The following TXNDC16 variants were observed in gnomAD, a reference collection of about 807,000 sequenced individuals.
TXNDC16 encodes the protein thioredoxin domain-containing protein 16.
In TXNDC16, 74 loss-of-function variants were observed where a neutral mutation model predicts 85.6. The observed-to-expected ratio is 0.86, with a 90% CI of 0.72 to 1.05. TXNDC16 has a LOEUF of 1.05. TXNDC16 is among the 50% of genes least tolerant of loss of function. The probability of loss-of-function intolerance (pLI) is 0.00; values close to 1 mark genes in which losing one functional copy is unlikely to be tolerated. For missense variants in TXNDC16, 959 were observed against 947.0 expected, an observed-to-expected ratio of 1.01 and a Z score of -0.17; for synonymous variants, 335 against 326.5, an observed-to-expected ratio of 1.03 and a Z score of -0.28.
At chr14:52,524,701 C>A (rs886114270) in intron 6 of TXNDC16, among the ~76,000 whole-genome samples, 2 of 152,022 alleles carry the variant, frequency 1.3e-5, no homozygotes, top group Admixed American at 6.5e-5. Flanking sequence ...CATTGTATTG[C>A]CCAGGCTGGT....
At position 52,518,440 on chromosome 14, in the gene TXNDC16, T is replaced by G. The variant is rs1211168878; in HGVS notation, c.514+732A>C. Among the ~76,000 whole-genome samples, 4 of 152,326 alleles carry G rather than the reference T, an allele frequency of 2.6e-5. No individual in the cohort carries two copies. The East Asian group carries it at 7.7e-4, about 29-fold the overall frequency. On this transcript the variant is annotated intron_variant, in intron 7 of 20. Coordinates refer to ENST00000281741, the MANE Select transcript of TXNDC16 (RefSeq NM_020784.3). ...AACCTCAGTTGCTAGCAAATTCAAC[T>G]TTCAAGTAGCTCAGGCTGAAACCCC...
chr14:52,460,839 T>C (rs1029006743), intron 16 of TXNDC16, among the ~76,000 whole-genome samples: 5 of 152,178 alleles, frequency 3.3e-5, no homozygotes, highest in Non-Finnish European at 5.9e-5. Flanking sequence ...TTGTGTCTTA[T>C]TAGTATTACA....
At chr14:52,533,996 A>C (rs922665315) in intron 6 of TXNDC16, among the ~76,000 whole-genome samples, 2 of 152,160 alleles carry the variant, frequency 1.3e-5, no homozygotes, top group Non-Finnish European at 2.9e-5. Flanking sequence ...TTTCTCTAGA[A>C]AACTGCAATG....
chr14:52,516,321 AATTTT>A (rs2037082525), intron 7 of TXNDC16, among the ~76,000 whole-genome samples: 1 of 152,164 alleles, frequency 6.6e-6, no homozygotes, highest in Non-Finnish European at 1.5e-5. Context: ...AAAGCATCTT[AATTTT>A]ATTTTCAAAA....
At chr14:52,500,155 C>T (rs930232040) in intron 9 of TXNDC16, among the ~76,000 whole-genome samples, 3 of 151,990 alleles carry the variant, frequency 2.0e-5, no homozygotes, top group Admixed American at 2.0e-4. Context: ...CAGAGAATAC[C>T]CATGTCCATT....
At chr14:52,548,471 A>T (rs1466642229) in intron 1 of TXNDC16, among the ~76,000 whole-genome samples, 1 of 152,106 alleles carries the variant, frequency 6.6e-6, no homozygotes, top group Admixed American at 6.6e-5. Flanking sequence ...TCCTTCTGGG[A>T]GGCAGACGCA....
chr14:52,470,425 C>T (rs907523964), intron 15 of TXNDC16, 87 bp downstream of exon 15: 8 of 1,394,442 alleles, frequency 5.7e-6, no homozygotes, highest in South Asian at 1.5e-5. Flanking sequence ...TCTTCCTTAA[C>T]CTATTTTAAG....
chr14:52,490,718 A>G (rs2036380406), intron 10 of TXNDC16, 121 bp downstream of exon 10: 4 of 1,119,880 alleles, frequency 3.6e-6, no homozygotes, highest in South Asian at 1.6e-5. Flanking sequence ...AACTAGTTCT[A>G]ACTATATTGG....
At chr14:52,489,158 G>A (rs1382443747) in intron 11 of TXNDC16, among the ~76,000 whole-genome samples, 2 of 151,990 alleles carry the variant, frequency 1.3e-5, no homozygotes, top group Non-Finnish European at 2.9e-5. Context: ...TGATTATTCT[G>A]ACATTCCACA....
Position 52,435,156 on chromosome 14 carries a change from T to C in TXNDC16, c.2195-2569A>G, listed in dbSNP as rs116481272. Among the ~76,000 whole-genome samples, 705 of 152,254 alleles carry C rather than the reference T, an allele frequency of 4.6e-3. 5 individuals carry two copies. Among genetic ancestry groups the C allele is most frequent in the African/African-American group, 0.016 (675 of 41,536 alleles). On this transcript the variant is annotated intron_variant, in intron 20 of 20. Coordinates refer to ENST00000281741, the MANE Select transcript of TXNDC16 (RefSeq NM_020784.3). The stretch of plus-strand genomic sequence containing the variant: ...GGAAACTATTAAACTCATTTTATAG[T>C]TGTAGAGGAGGAAACCAAGAATGAC...
intron 9 of TXNDC16, among the ~76,000 whole-genome samples, chr14:52,506,281 T>C (rs1425585445): frequency 1.3e-5 from 2 of 152,112 alleles, no homozygotes; most frequent in African/African-American, 2.4e-5. Flanking sequence ...AAAAAGAGAA[T>C]TTTAGACCAG....
At chr14:52,452,833 G>A (rs2035442676) in intron 18 of TXNDC16, among the ~76,000 whole-genome samples, 1 of 152,048 alleles carries the variant, frequency 6.6e-6, no homozygotes, top group African/African-American at 2.4e-5. Flanking sequence ...ATGACAAATG[G>A]GATCACATCA....
intron 6 of TXNDC16, among the ~76,000 whole-genome samples, chr14:52,522,959 T>C (rs552064885): frequency 6.6e-5 from 10 of 152,310 alleles, no homozygotes; most frequent in African/African-American, 2.2e-4. Flanking sequence ...CAAAGCTCAT[T>C]AAGTAGTCAT....
chr14:52,521,151 C>T (rs979133772), intron 6 of TXNDC16, among the ~76,000 whole-genome samples: 5 of 151,788 alleles, frequency 3.3e-5, no homozygotes, highest in East Asian at 3.9e-4. Flanking sequence ...CTTGCTCTGT[C>T]GCCCGGGCTA....
At chr14:52,545,604 G>A (rs1300037103) in intron 1 of TXNDC16, among the ~76,000 whole-genome samples, 1 of 152,178 alleles carries the variant, frequency 6.6e-6, no homozygotes, top group East Asian at 1.9e-4. Flanking sequence ...CATGCAGCTA[G>A]GGTGGGAAAA....
chr14:52,545,875 G>A (rs1429663662), intron 1 of TXNDC16, among the ~76,000 whole-genome samples: 1 of 152,044 alleles, frequency 6.6e-6, no homozygotes, highest in Admixed American at 6.5e-5. Context: ...TAAAGGCAAG[G>A]GAATGTGGGT....
chr14:52,513,841 A>C (rs1320559799), intron 8 of TXNDC16, among the ~76,000 whole-genome samples: 1 of 152,124 alleles, frequency 6.6e-6, no homozygotes, highest in Non-Finnish European at 1.5e-5. Flanking sequence ...GAGGCTGGTA[A>C]GATGAGAGAA....
At chr14:52,505,499 A>T (rs2036774475) in intron 9 of TXNDC16, among the ~76,000 whole-genome samples, 1 of 152,236 alleles carries the variant, frequency 6.6e-6, no homozygotes, top group Admixed American at 6.5e-5. Flanking sequence ...GCAGAAATAA[A>T]GATGTCTTTG....
intron 4 of TXNDC16, among the ~76,000 whole-genome samples, chr14:52,538,496 C>A (rs1160603080): frequency 1.3e-5 from 2 of 152,096 alleles, no homozygotes; most frequent in Non-Finnish European, 2.9e-5. Context: ...AAAAGAATAT[C>A]ACATTAGCGT....
Sources: allele counts gnomAD v4.1 joint callset (sites outside exome capture counted in the v4.1 genomes callset), GRCh38; gene constraint gnomAD v4.1.1; transcripts MANE v1.5; gene names NCBI Gene and HGNC (gene_info 2026-07-23, HGNC 2026-07-21).